Variants in STRBP observed in about 807,000 individuals in gnomAD.
The protein encoded by STRBP is spermatid perinuclear RNA-binding protein.
Under a neutral mutation model 80.1 loss-of-function variants are expected in STRBP, and 13 were observed. The ratio of observed to expected loss-of-function variants is 0.16; its 90% CI spans 0.11 to 0.26. The LOEUF is 0.26. Ranked by LOEUF, STRBP falls within the 10% of genes least tolerant of loss-of-function variation. The pLI is 1.00. For missense variants in STRBP, 485 were observed against 815.2 expected, an observed-to-expected ratio of 0.59 and a Z score of 4.93; for synonymous variants, 284 against 291.2, an observed-to-expected ratio of 0.98 and a Z score of 0.25.
chr9:123,109,657 G>A (rs1203331014), exon 4 of STRBP: 2 of 152,284 alleles, frequency 1.3e-5, no homozygotes, highest in Non-Finnish European at 2.9e-5. Flanking sequence ...GCTGCCTGGA[G>A]GACTTGTGGC....
At chr9:123,234,126 G>A (rs1021931969) in intron 2 of STRBP, among the ~76,000 whole-genome samples, 1 of 151,196 alleles carries the variant, frequency 6.6e-6, no homozygotes, top group African/African-American at 2.4e-5. Flanking sequence ...GCATGAACCC[G>A]GGAGGCAGAG....
chr9:123,185,732 G>A (rs1042413457), intron 2 of STRBP, among the ~76,000 whole-genome samples: 4 of 152,088 alleles, frequency 2.6e-5, no homozygotes, highest in African/African-American at 9.7e-5. Context: ...GAATCCAGCA[G>A]CCAAAAACGA....
intron 6 of STRBP, among the ~76,000 whole-genome samples, chr9:123,169,475 T>G (rs2037916898): frequency 1.3e-5 from 2 of 152,148 alleles, no homozygotes; most frequent in African/African-American, 4.8e-5. Flanking sequence ...CCAACCAGGA[T>G]GCAAGTAATT....
At chr9:123,246,214 A>G (rs1041686238) in intron 1 of STRBP, among the ~76,000 whole-genome samples, 1 of 152,270 alleles carries the variant, frequency 6.6e-6, no homozygotes, top group Admixed American at 6.5e-5. Context: ...GGTACAGAAC[A>G]TGAAACATTT....
intron 11 of STRBP, among the ~76,000 whole-genome samples, chr9:123,154,698 AAACT>A (rs1271663119): frequency 2.0e-4 from 31 of 152,336 alleles, no homozygotes; most frequent in African/African-American, 7.5e-4. Context: ...TGAGGACTGA[AAACT>A]AACCAGTGAA....
intron 1 of STRBP, among the ~76,000 whole-genome samples, chr9:123,267,191 T>G (rs1201569042): frequency 9.5e-6 from 1 of 104,812 alleles, no homozygotes; most frequent in Non-Finnish European, 1.9e-5. Flanking sequence ...CTCCTGCCCC[T>G]AACGTCCTCC....
intron 17 of STRBP, among the ~76,000 whole-genome samples, chr9:123,132,120 T>C (rs942340001): frequency 2.0e-5 from 3 of 152,188 alleles, no homozygotes; most frequent in African/African-American, 7.2e-5. Flanking sequence ...CAAATCTTCT[T>C]TAAGCTATGT....
chr9:123,263,296 C>T (rs146669845), intron 1 of STRBP, among the ~76,000 whole-genome samples: 2 of 152,058 alleles, frequency 1.3e-5, no homozygotes, highest in African/African-American at 2.4e-5. Context: ...ACAGGAGGAT[C>T]GCTTGAGCCC....
chr9:123,200,132 T>G (rs1359554208), intron 2 of STRBP, among the ~76,000 whole-genome samples: 3 of 152,218 alleles, frequency 2.0e-5, no homozygotes, highest in Non-Finnish European at 4.4e-5. Flanking sequence ...ATTGAGATGA[T>G]CATATGGCTT....
chr9:123,168,925 G>A (rs2037886539), intron 6 of STRBP, among the ~76,000 whole-genome samples: 1 of 152,156 alleles, frequency 6.6e-6, no homozygotes, highest in African/African-American at 2.4e-5. Flanking sequence ...GACGCTGCCA[G>A]ACAGCAATTC....
intron 2 of STRBP, among the ~76,000 whole-genome samples, chr9:123,194,731 T>C (rs1176084856): frequency 6.6e-6 from 1 of 152,182 alleles, no homozygotes; most frequent in Non-Finnish European, 1.5e-5. Context: ...TGAATAATTC[T>C]CAGTCCTCCT....
At chr9:123,218,630 A>C (rs996821614) in intron 2 of STRBP, among the ~76,000 whole-genome samples, 4 of 151,910 alleles carry the variant, frequency 2.6e-5, no homozygotes, top group Non-Finnish European at 4.4e-5. Flanking sequence ...CGGCCTCCCA[A>C]AGTGCTGGGA....
chr9:123,193,287 A>G (rs538234976), intron 2 of STRBP, among the ~76,000 whole-genome samples: 1 of 152,084 alleles, frequency 6.6e-6, no homozygotes, highest in Non-Finnish European at 1.5e-5. Flanking sequence ...TCAACCCTAA[A>G]TTTATCCTTC....
chr9:123,238,071 T>C (rs1395924014), intron 1 of STRBP, among the ~76,000 whole-genome samples: 2 of 152,262 alleles, frequency 1.3e-5, no homozygotes, highest in Non-Finnish European at 2.9e-5. Flanking sequence ...TTGTGATGTT[T>C]AAATGAAAAG....
intron 3 of STRBP, among the ~76,000 whole-genome samples, chr9:123,180,274 T>C (rs961744866): frequency 1.3e-5 from 2 of 152,132 alleles, no homozygotes; most frequent in African/African-American, 4.8e-5. Flanking sequence ...TTTTAGAATT[T>C]AGGATTTCAT....
intron 2 of STRBP, among the ~76,000 whole-genome samples, chr9:123,223,989 A>G (rs569484929): frequency 2.8e-4 from 43 of 152,310 alleles, no homozygotes; most frequent in East Asian, 9.6e-4. Flanking sequence ...CAGAGATGCT[A>G]TAGTTAGAAA....
At chr9:123,228,860 G>C (rs2040318411) in intron 2 of STRBP, among the ~76,000 whole-genome samples, 1 of 152,134 alleles carries the variant, frequency 6.6e-6, no homozygotes, top group African/African-American at 2.4e-5. Flanking sequence ...TAATTGAAAA[G>C]ATACATCCAC....
At chr9:123,238,589 T>C (rs1015177258) in intron 1 of STRBP, among the ~76,000 whole-genome samples, 1 of 152,226 alleles carries the variant, frequency 6.6e-6, no homozygotes, top group African/African-American at 2.4e-5. Flanking sequence ...CAGCACGGAC[T>C]GTACAGGAAC....
rs566548689 is a variant in STRBP at position 123,167,418 on chromosome 9, A to G, written c.535+2484T>C. ...AGCTGAAAAGAACTGCATCAAGGGGATGAGCAGCTGTCTAGTGTGAGAAAA... is the reference window on the plus strand; with the variant it reads ...AGCTGAAAAGAACTGCATCAAGGGGGTGAGCAGCTGTCTAGTGTGAGAAAA... On this transcript the variant is annotated intron_variant, in intron 6 of 18. Coordinates refer to ENST00000348403, the MANE Select transcript of STRBP (RefSeq NM_018387.5). Among the ~76,000 whole-genome samples, 7 of 152,274 alleles carry G rather than the reference A, an allele frequency of 4.6e-5. No homozygotes were observed. The East Asian group carries it at 1.2e-3, about 25-fold the overall frequency.
Sources: allele counts gnomAD v4.1 joint callset (sites outside exome capture counted in the v4.1 genomes callset), GRCh38; gene constraint gnomAD v4.1.1; transcripts MANE v1.5; gene names NCBI Gene and HGNC (gene_info 2026-07-23, HGNC 2026-07-21).